The following WDR70 variants were observed in gnomAD, a reference collection of about 807,000 sequenced individuals.
WDR70 encodes WD repeat domain 70.
Under a neutral mutation model 88.6 loss-of-function variants are expected in WDR70, and 53 were observed. That is an observed-to-expected ratio of 0.60 (90% CI 0.48 to 0.75). The LOEUF (loss-of-function observed/expected upper bound fraction) is 0.75, where lower values mean the gene tolerates loss of function less well. Ranked by LOEUF, WDR70 falls within the 30% of genes least tolerant of loss-of-function variation. The probability of loss-of-function intolerance (pLI) is 0.00; values close to 1 mark genes in which losing one functional copy is unlikely to be tolerated. For missense variants in WDR70, 610 were observed against 823.2 expected, an observed-to-expected ratio of 0.74 and a Z score of 3.17; for synonymous variants, 280 against 270.0, an observed-to-expected ratio of 1.04 and a Z score of -0.36.
Position 37,715,612 on chromosome 5 carries a change from A to G in WDR70, c.1417-5503A>G, listed in dbSNP as rs887830647. On this transcript the variant is annotated intron_variant, in intron 13 of 17. Transcript: ENST00000265107. ...TGAAGCCAAGTCTTGTGGCCCATGCATGTGGCAAGGCCATCCCAAGTTTGA... is the reference window on the plus strand; with the variant it reads ...TGAAGCCAAGTCTTGTGGCCCATGCGTGTGGCAAGGCCATCCCAAGTTTGA... Among the ~76,000 whole-genome samples, 8 of 152,298 alleles carry G rather than the reference A, an allele frequency of 5.3e-5. No homozygotes were observed. The South Asian group carries it at 1.0e-3, about 20-fold the overall frequency.
chr5:37,657,217 G>A (rs1055395396), intron 10 of WDR70, among the ~76,000 whole-genome samples: 5 of 152,286 alleles, frequency 3.3e-5, no homozygotes, highest in African/African-American at 1.2e-4. Flanking sequence ...CCTCACAGCA[G>A]GGTCCCTCAT....
intron 17 of WDR70, among the ~76,000 whole-genome samples, chr5:37,743,872 C>T (rs113304001): frequency 6.3e-4 from 96 of 152,320 alleles, no homozygotes; most frequent in African/African-American, 1.9e-3. Flanking sequence ...GCAGCCCAGA[C>T]GAGTGGGTTT....
intron 9 of WDR70, among the ~76,000 whole-genome samples, chr5:37,585,263 T>G (rs978039178): frequency 2.6e-5 from 4 of 152,160 alleles, no homozygotes; most frequent in Non-Finnish European, 5.9e-5. Context: ...GTGCTGGGAT[T>G]ACAGGTGTGA....
chr5:37,437,931 C>A lies in WDR70; in HGVS notation c.502C>A (p.His168Asn). The stretch of plus-strand genomic sequence containing the variant: ...GGTTTTCTTGTTTCAGAATCCTGTT[C>A]ACAAGATTCCTGACTCGCATGAGAT... ...EEEEEEENPV[H>N]KIPDSHEITL... The change falls in exon 6 of 18, where the codon CAC becomes AAC. Residue 168 changes from histidine to asparagine, a missense_variant. By Grantham distance (68) the His-to-Asn change is moderately conservative. Coordinates refer to ENST00000265107, the MANE Select transcript of WDR70 (RefSeq NM_018034.4). The A allele has an allele frequency of 6.2e-7, 1 of 1,607,768 alleles. No individual in the cohort carries two copies. The highest frequency in any genetic ancestry group is 8.5e-7 in the Non-Finnish European group (1 of 1,176,794).
chr5:37,437,838 A>G, intron 5 of WDR70, 84 bp from the exon 6 acceptor site: 1 of 1,343,696 alleles, frequency 7.4e-7, no homozygotes, highest in Non-Finnish European at 1.0e-6. Flanking sequence ...ATTTTAAAAA[A>G]TTGTATTTCC....
At chr5:37,450,200 A>G (rs1456525740) in intron 7 of WDR70, among the ~76,000 whole-genome samples, 2 of 152,158 alleles carry the variant, frequency 1.3e-5, no homozygotes, top group South Asian at 2.1e-4. Context: ...CAGTGCTGCA[A>G]TAAACATATG....
At chr5:37,699,991 C>A (rs1031497954) in intron 11 of WDR70, among the ~76,000 whole-genome samples, 1 of 150,998 alleles carries the variant, frequency 6.6e-6, no homozygotes, top group Non-Finnish European at 1.5e-5. Context: ...AAAAAACAGA[C>A]TAAAAGCAAT....
chr5:37,423,912 G>A (rs1431799462), intron 5 of WDR70, among the ~76,000 whole-genome samples: 3 of 147,472 alleles, frequency 2.0e-5, no homozygotes, highest in African/African-American at 7.4e-5. Context: ...ACTTTGGGAG[G>A]CCGAGGCGGG....
intron 5 of WDR70, among the ~76,000 whole-genome samples, chr5:37,409,908 G>A (rs1182058458): frequency 2.0e-5 from 3 of 152,150 alleles, no homozygotes; most frequent in Admixed American, 6.6e-5. Flanking sequence ...GGCTTTATCA[G>A]TAATTCAGAA....
chr5:37,550,210 G>A (rs897910554), intron 9 of WDR70, among the ~76,000 whole-genome samples: 1 of 152,152 alleles, frequency 6.6e-6, no homozygotes, highest in Non-Finnish European at 1.5e-5. Flanking sequence ...AGCACCAATT[G>A]AAATGATCAT....
chr5:37,732,608 G>A (rs780661303), intron 17 of WDR70, among the ~76,000 whole-genome samples: 30 of 151,920 alleles, frequency 2.0e-4, no homozygotes, highest in Non-Finnish European at 2.9e-4. Context: ...ATCTGTTCTC[G>A]AGAAAAGATG....
chr5:37,587,584 A>G (rs1290203815), intron 9 of WDR70, among the ~76,000 whole-genome samples: 1 of 151,948 alleles, frequency 6.6e-6, no homozygotes, highest in African/African-American at 2.4e-5. Flanking sequence ...AGGCGATGGC[A>G]TGTTTTCCTC....
chr5:37,615,540 C>T (rs968099631), intron 10 of WDR70, among the ~76,000 whole-genome samples: 1 of 152,200 alleles, frequency 6.6e-6, no homozygotes, highest in Non-Finnish European at 1.5e-5. Flanking sequence ...TCATCTTTCT[C>T]AGTCTTCTGT....
At chr5:37,615,278 TAA>T (rs1744303558) in intron 10 of WDR70, among the ~76,000 whole-genome samples, 1 of 151,436 alleles carries the variant, frequency 6.6e-6, no homozygotes, top group African/African-American at 2.4e-5. Context: ...TTACTAAAAA[TAA>T]AGAGGTCTCA....
chr5:37,612,512 G>A (rs889122095), intron 10 of WDR70, among the ~76,000 whole-genome samples: 6 of 152,174 alleles, frequency 3.9e-5, no homozygotes, highest in African/African-American at 1.4e-4. Context: ...TATATATAAA[G>A]CATTCAGATA....
intron 4 of WDR70, 57 bp downstream of exon 4, chr5:37,392,177 G>GTTTTTT: frequency 3.8e-6 from 5 of 1,310,494 alleles, no homozygotes; most frequent in South Asian, 1.4e-5. Flanking sequence ...TGTTTATAGA[G>GTTTTTT]TTTTTTTTTT....
intron 10 of WDR70, among the ~76,000 whole-genome samples, chr5:37,609,447 T>C (rs1744126645): frequency 6.6e-6 from 1 of 152,232 alleles, no homozygotes; most frequent in African/African-American, 2.4e-5. Context: ...TACTAGACTC[T>C]TGACTAAAAG....
chr5:37,587,778 C>CTT (rs55980790), intron 9 of WDR70, among the ~76,000 whole-genome samples: 16 of 122,728 alleles, frequency 1.3e-4, no homozygotes, highest in South Asian at 5.0e-4. Context: ...AAGCCCTATT[C>CTT]TTTTTTTTTT....
At chr5:37,524,862 A>G (rs961940621) in intron 9 of WDR70, among the ~76,000 whole-genome samples, 3 of 152,368 alleles carry the variant, frequency 2.0e-5, no homozygotes, top group South Asian at 2.1e-4. Context: ...TTAAACCAAC[A>G]AAGATCAAAA....
Sources: gnomAD v4.1 joint callset for allele counts (sites outside exome capture counted in the v4.1 genomes callset) on GRCh38, gnomAD v4.1.1 for gene constraint, MANE v1.5 for transcripts, NCBI Gene and HGNC (gene_info 2026-07-23, HGNC 2026-07-21) for gene names.